The following MINDY3 variants were observed in gnomAD, a reference collection of about 807,000 sequenced individuals.
MINDY3 encodes ubiquitin carboxyl-terminal hydrolase MINDY-3.
Under a neutral mutation model 69.2 loss-of-function variants are expected in MINDY3, and 38 were observed. That is an observed-to-expected ratio of 0.55 (90% CI 0.42 to 0.72). The LOEUF is 0.72. Among genes scored for constraint, MINDY3 ranks in the 30% least tolerant of loss-of-function variants. The pLI is 0.00. For synonymous variants in MINDY3, 192 were observed against 180.1 expected (o/e 1.07, Z -0.53); for missense variants, 522 against 519.0 (o/e 1.01, Z -0.06).
At chr10:15,788,203 G>A (rs1837122311) in intron 12 of MINDY3, among the ~76,000 whole-genome samples, 1 of 152,060 alleles carries the variant, frequency 6.6e-6, no homozygotes, top group African/African-American at 2.4e-5. Flanking sequence ...AATAAAGTTA[G>A]AAGAAGTATA....
intron 10 of MINDY3, among the ~76,000 whole-genome samples, chr10:15,814,729 A>C (rs931653927): frequency 1.3e-5 from 2 of 152,292 alleles, no homozygotes; most frequent in African/African-American, 4.8e-5. Context: ...TGGGAATTAG[A>C]AACTGTGTGC....
chr10:15,825,391 T>C (rs1371935904), intron 8 of MINDY3, among the ~76,000 whole-genome samples: 1 of 152,238 alleles, frequency 6.6e-6, no homozygotes, highest in Non-Finnish European at 1.5e-5. Flanking sequence ...TCTTTTATTA[T>C]CAGAGACGGT....
chr10:15,828,719 G>GA (rs1475128088), intron 8 of MINDY3, among the ~76,000 whole-genome samples: 10 of 151,994 alleles, frequency 6.6e-5, no homozygotes. Flanking sequence ...GCTAAAAATG[G>GA]AAACAATCTA....
intron 1 of MINDY3, 33 bp from the exon 2 acceptor site, chr10:15,847,976 A>C (rs1833970655): frequency 6.5e-7 from 1 of 1,545,898 alleles, no homozygotes; most frequent in Non-Finnish European, 8.9e-7. Context: ...AAGATTAAAA[A>C]TATAATTCAA....
chr10:15,798,480 T>TTA (rs1554804365), intron 10 of MINDY3, among the ~76,000 whole-genome samples: 6 of 151,254 alleles, frequency 4.0e-5, no homozygotes, highest in Non-Finnish European at 7.4e-5. Context: ...TTTTTTTTTT[T>TTA]AAATACTCTG....
At chr10:15,790,774 A>C (rs896945237) in intron 11 of MINDY3, among the ~76,000 whole-genome samples, 1 of 152,142 alleles carries the variant, frequency 6.6e-6, no homozygotes, top group Non-Finnish European at 1.5e-5. Context: ...CTGGTCCAAA[A>C]TCTGAAATGC....
intron 10 of MINDY3, 130 bp downstream of exon 10, chr10:15,816,705 G>C: frequency 1.5e-6 from 1 of 667,466 alleles, no homozygotes; most frequent in Non-Finnish European, 2.6e-6. Context: ...ATTAGTTTTT[G>C]AGATTTTTGA....
intron 8 of MINDY3, among the ~76,000 whole-genome samples, chr10:15,833,421 A>T (rs1338066536): frequency 6.6e-6 from 1 of 152,220 alleles, no homozygotes; most frequent in African/African-American, 2.4e-5. Context: ...CACTAAAGTC[A>T]TACATTTGGG....
chr10:15,840,393 T>C (rs1384587446), intron 4 of MINDY3, among the ~76,000 whole-genome samples: 1 of 151,446 alleles, frequency 6.6e-6, no homozygotes, highest in African/African-American at 2.4e-5. Context: ...TCAAAATTAT[T>C]CCTTGCAAAT....
intron 10 of MINDY3, among the ~76,000 whole-genome samples, chr10:15,806,518 A>G (rs1366809493): frequency 1.3e-5 from 2 of 152,144 alleles, no homozygotes; most frequent in Non-Finnish European, 2.9e-5. Context: ...TCACATTTAT[A>G]ATTTAAAATT....
At chr10:15,847,984 C>T in intron 1 of MINDY3, 41 bp from the exon 2 acceptor site, 2 of 1,475,204 alleles carry the variant, frequency 1.4e-6, no homozygotes, top group Non-Finnish European at 1.9e-6. Context: ...AAATATAATT[C>T]AAGTAGCAGC....
chr10:15,791,349 C>G (rs143838446), intron 11 of MINDY3, among the ~76,000 whole-genome samples: 1 of 151,730 alleles, frequency 6.6e-6, no homozygotes, highest in African/African-American at 2.4e-5. Flanking sequence ...CCAACTGACT[C>G]CCTAGAGAAT....
chr10:15,854,647 G>A (rs1246608888), intron 1 of MINDY3, among the ~76,000 whole-genome samples: 2 of 152,056 alleles, frequency 1.3e-5, no homozygotes, highest in East Asian at 1.9e-4. Context: ...GAAGGGTACA[G>A]AATTGAGGAA....
At chr10:15,798,556 T>A (rs979481263) in intron 10 of MINDY3, among the ~76,000 whole-genome samples, 1 of 151,610 alleles carries the variant, frequency 6.6e-6, no homozygotes, top group Non-Finnish European at 1.5e-5. Flanking sequence ...GGTGGGCAGA[T>A]AACGAGGTCA....
chr10:15,788,193 A>G (rs1837120712), intron 12 of MINDY3, among the ~76,000 whole-genome samples: 1 of 152,176 alleles, frequency 6.6e-6, no homozygotes, highest in Admixed American at 6.5e-5. Flanking sequence ...TCTACTTGGA[A>G]ATAAAGTTAG....
chr10:15,778,823 CT>C lies in MINDY3; in HGVS notation c.*168del. Reference sequence around the variant, plus strand: ...AAATAGGATAATCTTTAACATAAAGCTTTAGGACAAATAATTTAAACATATC... The same window carrying C: ...AAATAGGATAATCTTTAACATAAAGCTTAGGACAAATAATTTAAACATATC... On this transcript the variant is annotated 3_prime_UTR_variant, in exon 15 of 15. Coordinates refer to ENST00000277632, the MANE Select transcript of MINDY3 (RefSeq NM_024948.4). 1.8e-6 allele frequency: 1 copy of C among 555,418 alleles called. No individual in the cohort carries two copies. The allele number at this position is 555,418 out of a possible 1,614,324, so 34.4% of individuals were successfully genotyped here. A position where few individuals can be genotyped will look rare whatever the true frequency, so the allele number is the denominator to read the frequency against.
intron 10 of MINDY3, among the ~76,000 whole-genome samples, chr10:15,804,571 C>T (rs75829949): frequency 0.035 from 5,322 of 152,198 alleles, 299 homozygotes; most frequent in African/African-American, 0.12. Flanking sequence ...TCAAGAATGA[C>T]TGCACATATA....
chr10:15,801,133 C>T (rs1290081968), intron 10 of MINDY3, among the ~76,000 whole-genome samples: 2 of 152,132 alleles, frequency 1.3e-5, no homozygotes, highest in Admixed American at 6.6e-5. Context: ...GAAAGAATAT[C>T]TGCCTGAACA....
intron 12 of MINDY3, among the ~76,000 whole-genome samples, chr10:15,788,637 T>A (rs1329418253): frequency 6.6e-6 from 1 of 152,150 alleles, no homozygotes; most frequent in Non-Finnish European, 1.5e-5. Context: ...AGAGTTATTT[T>A]TTCATGGATA....
Sources: allele counts gnomAD v4.1 joint callset (sites outside exome capture counted in the v4.1 genomes callset), GRCh38; gene constraint gnomAD v4.1.1; transcripts MANE v1.5; gene names NCBI Gene and HGNC (gene_info 2026-07-23, HGNC 2026-07-21).